Variants in TRAT1 observed in about 807,000 individuals in gnomAD.
TRAT1 encodes the protein T cell receptor associated transmembrane adaptor 1.
A neutral mutation model predicts 20.0 loss-of-function variants in TRAT1; 20 were observed. The observed-to-expected ratio is 1.00, with a 90% CI of 0.70 to 1.45. TRAT1 has a LOEUF of 1.45. Ranked by LOEUF, TRAT1 falls within the 40% of genes most tolerant of loss-of-function variation. The pLI is 0.00. For synonymous variants in TRAT1, 77 were observed against 74.2 expected (o/e 1.04, Z -0.20); for missense variants, 237 against 224.1 (o/e 1.06, Z -0.37).
intron 1 of TRAT1, among the ~76,000 whole-genome samples, chr3:108,827,143 C>A (rs1945747637): frequency 6.6e-6 from 1 of 152,146 alleles, no homozygotes; most frequent in Admixed American, 6.5e-5. Context: ...GTGTAAATAG[C>A]TGAATTCAAA....
chr3:108,824,504 A>C (rs1945719317), intron 1 of TRAT1, among the ~76,000 whole-genome samples: 1 of 152,192 alleles, frequency 6.6e-6, no homozygotes, highest in Admixed American at 6.5e-5. Flanking sequence ...AACTGTTTAT[A>C]GCTATCATTT....
At chr3:108,848,608 C>A (rs959088151) in intron 4 of TRAT1, among the ~76,000 whole-genome samples, 1 of 152,178 alleles carries the variant, frequency 6.6e-6, no homozygotes, top group East Asian at 1.9e-4. Flanking sequence ...CATTGTGCAG[C>A]CCCAGACCCT....
At chr3:108,826,836 A>C (rs969619253) in intron 1 of TRAT1, among the ~76,000 whole-genome samples, 1 of 152,194 alleles carries the variant, frequency 6.6e-6, no homozygotes, top group Non-Finnish European at 1.5e-5. Flanking sequence ...TTAAGGCATT[A>C]TATTTATTGC....
intron 1 of TRAT1, among the ~76,000 whole-genome samples, chr3:108,828,158 C>T (rs1298532077): frequency 6.6e-6 from 1 of 151,898 alleles, no homozygotes; most frequent in African/African-American, 2.4e-5. Flanking sequence ...TTATATTGTA[C>T]TACATTTTAT....
At chr3:108,849,877 A>G (rs1013938892) in intron 5 of TRAT1, among the ~76,000 whole-genome samples, 2 of 152,226 alleles carry the variant, frequency 1.3e-5, no homozygotes, top group African/African-American at 4.8e-5. Flanking sequence ...CTTCAGTTTT[A>G]GTTCTAACTT....
chr3:108,838,892 G>C (rs778073751), intron 2 of TRAT1, 42 bp from the exon 3 acceptor site: 29 of 1,470,822 alleles, frequency 2.0e-5, no homozygotes, highest in Non-Finnish European at 2.7e-5. Context: ...ACAAAGGTAT[G>C]TCAACATTTC....
intron 3 of TRAT1, among the ~76,000 whole-genome samples, chr3:108,844,843 C>CAAAAAAAAAAAAAA (rs71103495): frequency 3.6e-4 from 17 of 47,828 alleles, no homozygotes; most frequent in African/African-American, 1.5e-3. Flanking sequence ...GACTCTGTCT[C>CAAAAAAAAAAAAAA]AAAAAAAAAA....
At chr3:108,823,952 A>G (rs1029330728) in intron 1 of TRAT1, among the ~76,000 whole-genome samples, 3 of 151,998 alleles carry the variant, frequency 2.0e-5, no homozygotes, top group African/African-American at 7.2e-5. Context: ...GCTCACTGCA[A>G]CCTCTGCCTC....
intron 3 of TRAT1, among the ~76,000 whole-genome samples, chr3:108,840,405 T>C (rs746429790): frequency 6.6e-6 from 1 of 152,170 alleles, no homozygotes; most frequent in South Asian, 2.1e-4. Flanking sequence ...TGCAATGTGA[T>C]AGAAAGTCTT....
intron 4 of TRAT1, 42 bp downstream of exon 4, chr3:108,847,171 A>G (rs1576524571): frequency 1.6e-6 from 2 of 1,243,190 alleles, no homozygotes; most frequent in East Asian, 4.8e-5. Flanking sequence ...AGTAAATCCC[A>G]GTTGGTTTCA....
intron 2 of TRAT1, among the ~76,000 whole-genome samples, chr3:108,831,480 A>G (rs1399938901): frequency 6.6e-6 from 1 of 151,844 alleles, no homozygotes; most frequent in Non-Finnish European, 1.5e-5. Context: ...AATCCATTAC[A>G]TGTTGAATAC....
rs144684593 is a variant in TRAT1 at position 108,851,491 on chromosome 3, T to C, written c.304-2129T>C. Among the ~76,000 whole-genome samples the C allele has an allele frequency of 5.6e-3, 852 of 152,300 alleles. 7 individuals carry two copies. Among genetic ancestry groups the C allele is most frequent in the African/African-American group, 0.02 (815 of 41,552 alleles). ...CCTCTCTCCTTTCCAAAGCCAATGC[T>C]CTTATTCATGATCTTGACCCTTTCT... On this transcript the variant is annotated intron_variant, in intron 5 of 5. Coordinates refer to ENST00000295756, the MANE Select transcript of TRAT1 (RefSeq NM_016388.4).
intron 3 of TRAT1, among the ~76,000 whole-genome samples, chr3:108,842,753 C>T (rs1276437353): frequency 3.3e-5 from 5 of 152,178 alleles, no homozygotes; most frequent in Non-Finnish European, 7.3e-5. Context: ...ATCCTTTCCG[C>T]CAAACTTTGG....
At chr3:108,843,310 T>C (rs565372917) in intron 3 of TRAT1, among the ~76,000 whole-genome samples, 22 of 152,308 alleles carry the variant, frequency 1.4e-4, no homozygotes, top group Non-Finnish European at 2.9e-4. Context: ...GGCAGGCAGA[T>C]CACCAGGTCA....
At chr3:108,828,044 GA>G (rs1376084446) in intron 1 of TRAT1, among the ~76,000 whole-genome samples, 1 of 152,090 alleles carries the variant, frequency 6.6e-6, no homozygotes, top group East Asian at 1.9e-4. Flanking sequence ...ACTTCTATTT[GA>G]AATATAATTT....
intron 1 of TRAT1, among the ~76,000 whole-genome samples, chr3:108,826,220 G>C (rs1447687934): frequency 2.5e-5 from 1 of 39,812 alleles, no homozygotes; most frequent in Non-Finnish European, 5.0e-5. Context: ...AATTGTCTTA[G>C]TGAGATTCAG....
chr3:108,826,707 C>T (rs1945742896), intron 1 of TRAT1, among the ~76,000 whole-genome samples: 1 of 152,016 alleles, frequency 6.6e-6, no homozygotes, highest in South Asian at 2.1e-4. Flanking sequence ...TGCAAAAAGA[C>T]GTTCATTGCT....
At chr3:108,829,459 C>T (rs1576517904) in intron 1 of TRAT1, among the ~76,000 whole-genome samples, 1 of 152,060 alleles carries the variant, frequency 6.6e-6, no homozygotes, top group East Asian at 1.9e-4. Flanking sequence ...TGGTGCACAC[C>T]TGTAATCCCA....
At chr3:108,827,291 T>C (rs2107505811) in intron 1 of TRAT1, among the ~76,000 whole-genome samples, 1 of 152,234 alleles carries the variant, frequency 6.6e-6, no homozygotes, top group South Asian at 2.1e-4. Flanking sequence ...TAAGAGGCAC[T>C]GTCTGTACTA....
Sources: gnomAD v4.1 joint callset for allele counts (sites outside exome capture counted in the v4.1 genomes callset) on GRCh38, gnomAD v4.1.1 for gene constraint, MANE v1.5 for transcripts, NCBI Gene and HGNC (gene_info 2026-07-23, HGNC 2026-07-21) for gene names.